PI4KA: variants seen among roughly 807,000 people sequenced by gnomAD.
PI4KA encodes the protein PI4-kinase alpha.
PI4KA carries 122 observed loss-of-function variants against 271.4 expected under a neutral mutation model. The ratio of observed to expected loss-of-function variants is 0.45; its 90% CI spans 0.39 to 0.52. PI4KA has a LOEUF of 0.52. Ranked by LOEUF, PI4KA falls within the 20% of genes least tolerant of loss-of-function variation. The pLI is 0.00. For synonymous variants in PI4KA, 1,041 were observed against 1,078.8 expected (o/e 0.96, Z 0.69); for missense variants, 1,969 against 2,769.1 (o/e 0.71, Z 6.48).
intron 2 of PI4KA, among the ~76,000 whole-genome samples, chr22:20,837,767 C>T (rs549056011): frequency 1.3e-5 from 2 of 152,250 alleles, no homozygotes; most frequent in East Asian, 3.9e-4. Context: ...AACAGTCACA[C>T]TATTTTTTTG....
At chr22:20,831,295 G>A (rs1167011794) in intron 3 of PI4KA, among the ~76,000 whole-genome samples, 1 of 152,212 alleles carries the variant, frequency 6.6e-6, no homozygotes, top group Non-Finnish European at 1.5e-5. Context: ...GCCAGGCCCA[G>A]AGGCTCATGC....
intron 30 of PI4KA, among the ~76,000 whole-genome samples, chr22:20,744,402 CAA>C (rs1341635346): frequency 6.6e-6 from 1 of 152,048 alleles, no homozygotes; most frequent in East Asian, 1.9e-4. Flanking sequence ...TCAGTGTAGC[CAA>C]AGTGTACACA....
At chr22:20,856,245 G>C (rs1927584016) in intron 1 of PI4KA, among the ~76,000 whole-genome samples, 1 of 151,630 alleles carries the variant, frequency 6.6e-6, no homozygotes, top group Non-Finnish European at 1.5e-5. Context: ...CTGAGAGGCA[G>C]AGGTTGCAGT....
intron 4 of PI4KA, among the ~76,000 whole-genome samples, chr22:20,821,230 T>C (rs1922613706): frequency 6.6e-6 from 1 of 152,182 alleles, no homozygotes; most frequent in African/African-American, 2.4e-5. Flanking sequence ...TTTTTTTTAT[T>C]TGTTTGAGAC....
chr22:20,830,574 CA>C (rs1924028334), intron 3 of PI4KA, among the ~76,000 whole-genome samples: 1 of 151,982 alleles, frequency 6.6e-6, no homozygotes, highest in South Asian at 2.1e-4. Flanking sequence ...GACAGCATAC[CA>C]TTGGGTCTTG....
intron 8 of PI4KA, among the ~76,000 whole-genome samples, chr22:20,812,865 A>G (rs1261893796): frequency 6.6e-6 from 1 of 152,166 alleles, no homozygotes; most frequent in African/African-American, 2.4e-5. Flanking sequence ...GGGTCCCTGA[A>G]TCTGACCAAA....
chr22:20,789,872 C>G (rs575493611), intron 19 of PI4KA, among the ~76,000 whole-genome samples: 2 of 152,152 alleles, frequency 1.3e-5, no homozygotes, highest in Non-Finnish European at 2.9e-5. Flanking sequence ...TCCACACACA[C>G]CTGGTTTTGC....
At chr22:20,825,023 T>A (rs541523228) in intron 3 of PI4KA, among the ~76,000 whole-genome samples, 1 of 117,804 alleles carries the variant, frequency 8.5e-6, no homozygotes, top group African/African-American at 3.3e-5. Context: ...TGAGCCGAGA[T>A]CGCACCACTG....
chr22:20,799,083 C>T lies in PI4KA; in HGVS notation c.2004+10G>A. 1.2e-6 allele frequency: 2 copies of T among 1,611,186 alleles called. No homozygotes were observed. Among genetic ancestry groups the T allele is most frequent in the Non-Finnish European group, 1.7e-6 (2 of 1,178,384 alleles). On this transcript the variant is annotated intron_variant, in intron 16 of 54. Coordinates refer to ENST00000255882, the MANE Select transcript of PI4KA (RefSeq NM_058004.4). ...AGGGTTAGTGGTGTTCTGGCTCTGG[C>T]CTCCCTTACATTTCCGGTGATAACC...
At chr22:20,784,540 C>A (rs1934053564) in intron 19 of PI4KA, among the ~76,000 whole-genome samples, 1 of 152,106 alleles carries the variant, frequency 6.6e-6, no homozygotes, top group South Asian at 2.1e-4. Flanking sequence ...GCTTCATCAT[C>A]CCTAAAATGG....
At chr22:20,811,155 T>C (rs879677704) in intron 8 of PI4KA, 123 bp from the exon 9 acceptor site, 157 of 743,764 alleles carry the variant, frequency 2.1e-4, no homozygotes, top group Non-Finnish European at 3.0e-4. Context: ...TAAAGGCCAA[T>C]AAATACAAAT....
At chr22:20,844,378 G>A (rs886165326) in intron 1 of PI4KA, among the ~76,000 whole-genome samples, 6 of 152,220 alleles carry the variant, frequency 3.9e-5, no homozygotes, top group African/African-American at 1.4e-4. Context: ...GTCAGTACCA[G>A]GCACAGTGCT....
chr22:20,763,099 T>G (rs1338430673), intron 22 of PI4KA, among the ~76,000 whole-genome samples: 2 of 144,814 alleles, frequency 1.4e-5, no homozygotes, highest in Admixed American at 7.1e-5. Flanking sequence ...CTCCCACCCC[T>G]CAAAATGCTG....
At chr22:20,783,476 C>T (rs1470190310) in intron 19 of PI4KA, among the ~76,000 whole-genome samples, 2 of 150,160 alleles carry the variant, frequency 1.3e-5, no homozygotes, top group Non-Finnish European at 3.0e-5. Flanking sequence ...AATAGCCAGG[C>T]GTGGCATGTG....
intron 19 of PI4KA, among the ~76,000 whole-genome samples, chr22:20,766,531 G>A (rs1030786653): frequency 2.6e-5 from 4 of 152,142 alleles, no homozygotes; most frequent in African/African-American, 4.8e-5. Context: ...TGGGCGTGGT[G>A]GCAGGCACCT....
At chr22:20,780,176 G>C in intron 19 of PI4KA, 1 of 1,614,218 alleles carries the variant, frequency 6.2e-7, no homozygotes, top group Non-Finnish European at 8.5e-7. Context: ...CCCAGATGAT[G>C]ATTCTCAACT....
chr22:20,726,067 T>C (rs973356983), intron 42 of PI4KA, among the ~76,000 whole-genome samples: 8 of 152,228 alleles, frequency 5.3e-5, no homozygotes, highest in African/African-American at 1.9e-4. Context: ...AGAATAGACA[T>C]TTCTGTCGTT....
Position 20,747,875 on chromosome 22 carries a change from T to C in PI4KA, c.3244-173A>G, listed in dbSNP as rs535295996. On this transcript the variant is annotated intron_variant, in intron 28 of 54. Transcript: ENST00000255882. ...TCAGCTTCCCAAGTAGCTGGGACTA[T>C]AGGGGCACGCCACTATGCCTGGCTA... Among the ~76,000 whole-genome samples, 347 of 151,374 alleles carry C rather than the reference T, an allele frequency of 2.3e-3. 2 individuals carry two copies. Among genetic ancestry groups the C allele is most frequent in the African/African-American group, 6.2e-3 (256 of 41,258 alleles).
chr22:20,791,847 T>C (rs1234309210), intron 19 of PI4KA, among the ~76,000 whole-genome samples: 1 of 152,116 alleles, frequency 6.6e-6, no homozygotes, highest in African/African-American at 2.4e-5. Flanking sequence ...ATACCTGTAA[T>C]ACCAGCACTT....
Sources: allele counts gnomAD v4.1 joint callset (sites outside exome capture counted in the v4.1 genomes callset), GRCh38; gene constraint gnomAD v4.1.1; transcripts MANE v1.5; gene names NCBI Gene and HGNC (gene_info 2026-07-23, HGNC 2026-07-21).